MOV10L1: variants seen among roughly 807,000 people sequenced by gnomAD.
The protein encoded by MOV10L1 is RNA helicase Mov10l1.
MOV10L1 carries 110 observed loss-of-function variants against 143.8 expected under a neutral mutation model. The observed-to-expected ratio is 0.76, with a 90% CI of 0.66 to 0.90. The LOEUF (loss-of-function observed/expected upper bound fraction) is 0.90, where lower values mean the gene tolerates loss of function less well. Among genes scored for constraint, MOV10L1 ranks in the 40% least tolerant of loss-of-function variants. The pLI, the probability that MOV10L1 is intolerant of heterozygous loss-of-function variation, is 0.00. For synonymous variants in MOV10L1, 593 were observed against 581.1 expected (o/e 1.02, Z -0.29); for missense variants, 1,406 against 1,526.8 (o/e 0.92, Z 1.32).
chr22:50,101,316 T>C (rs980717666), intron 3 of MOV10L1, among the ~76,000 whole-genome samples: 1 of 152,118 alleles, frequency 6.6e-6, no homozygotes, highest in Non-Finnish European at 1.5e-5. Context: ...TCCAGGTTCA[T>C]GCCATTCTCC....
intron 5 of MOV10L1, 92 bp from the exon 6 acceptor site, chr22:50,113,555 GC>G: frequency 6.7e-7 from 1 of 1,500,574 alleles, no homozygotes; most frequent in Non-Finnish European, 8.9e-7. Context: ...TCCTCTGAGT[GC>G]CCCCACCAGC....
rs2063248427 is a variant in MOV10L1 at position 50,149,816 on chromosome 22, C to T, written c.2727+102C>T. 4 of 1,084,486 alleles carry T rather than the reference C, an allele frequency of 3.7e-6. No individual in the cohort carries two copies. The Admixed American group carries it at 9.3e-5, about 25-fold the overall frequency. 67.2% of individuals were successfully genotyped at this position (1,084,486 alleles called of 1,614,324 possible). A position where few individuals can be genotyped will look rare whatever the true frequency, so the allele number is the denominator to read the frequency against. ...GGAACAGTCACAGCTGTACAGGGGT[C>T]AGGTGGAAGTGCCAAGGACCCCGAG... is the stretch of plus-strand genomic sequence containing the variant. On this transcript the variant is annotated intron_variant, in intron 20 of 26. Transcript: ENST00000262794.
chr22:50,096,172 T>C (rs1323806207), intron 2 of MOV10L1: 1 of 152,244 alleles, frequency 6.6e-6, no homozygotes, highest in Non-Finnish European at 1.5e-5. Flanking sequence ...AGCATCCCAG[T>C]AGACACTCTG....
rs200293103 is a variant in MOV10L1, at chr22:50,116,659, A to G, written c.1260-498A>G. Among the ~76,000 whole-genome samples the G allele has an allele frequency of 1.9e-3, 226 of 121,416 alleles. 1 individual carries two copies. The highest frequency in any genetic ancestry group is 6.5e-3 in the East Asian group (26 of 4,000). The allele number at this position is 121,416 out of a possible 152,430, so 79.7% of individuals were successfully genotyped here. On this transcript the variant is annotated intron_variant, in intron 8 of 26. Transcript: ENST00000262794. ...ACAAAAAAGACTATTGTAGATGCTT[A>G]CTTTTTTTTTTTTTTTTTTTTTTTG...
rs191757886 is a variant in MOV10L1 at position 50,143,172 on chromosome 22, G to T, written c.2309G>T (p.Gly770Val). 6.2e-7 allele frequency: 1 copy of T among 1,614,146 alleles called. No individual in the cohort carries two copies. Among genetic ancestry groups the T allele is most frequent in the African/African-American group, 1.3e-5 (1 of 75,044 alleles). ...CGTCCCCTCCCGTATATTCTCTTTG[G>T]ACCTCCTGGTACTGGAAAGACAGTG... Reference protein sequence around the residue: ...DCRPLPYILFGPPGTGKTVTI... With the variant: ...DCRPLPYILFVPPGTGKTVTI... The change falls in exon 17 of 27, where the codon GGA becomes GTA. Residue 770 changes from glycine (G) to valine (V), a missense_variant. Coordinates refer to ENST00000262794, the MANE Select transcript of MOV10L1 (RefSeq NM_018995.3).
chr22:50,132,197 C>G (rs1021354505), intron 13 of MOV10L1, among the ~76,000 whole-genome samples: 5 of 152,158 alleles, frequency 3.3e-5, no homozygotes, highest in Non-Finnish European at 7.4e-5. Context: ...GAACACAAAC[C>G]TAGTGTATGA....
chr22:50,121,748 C>G (rs1006147567), intron 10 of MOV10L1, among the ~76,000 whole-genome samples: 15 of 152,112 alleles, frequency 9.9e-5, no homozygotes, highest in Non-Finnish European at 1.8e-4. Flanking sequence ...CCCTGGGGAC[C>G]CAGGTCTGCT....
chr22:50,109,608 T>C (rs2061965910), intron 5 of MOV10L1: 1 of 152,744 alleles, frequency 6.5e-6, no homozygotes, highest in Non-Finnish European at 1.4e-5. Flanking sequence ...GAGGTGGAGC[T>C]TGCAGTGAGC....
chr22:50,160,823 C>G lies in MOV10L1; in HGVS notation c.3460C>G (p.Arg1154Gly), dbSNP rs771392448. The change falls in exon 25 of 27, where the codon CGA becomes GGA. Residue 1154 changes from arginine to glycine, a missense_variant and splice_region_variant. By Grantham distance (125) the Arg-to-Gly change is moderately radical. This residue lies in a region of MOV10L1 where 1,233 missense variants were observed against 1,351.4 expected (regional missense o/e 0.91). Transcript: ENST00000262794. Reference sequence around the variant, plus strand: ...GCTGGGAAACCCCCATGTTCTCGTTCGAGTGAGTTTTCAGGCACTGGGTGG... The same window carrying G: ...GCTGGGAAACCCCCATGTTCTCGTTGGAGTGAGTTTTCAGGCACTGGGTGG... ...IVLGNPHVLV[R>G]DPCFGALLEY... 9.3e-6 allele frequency: 15 copies of G among 1,613,878 alleles called. No homozygotes were observed. The highest frequency in any genetic ancestry group is 1.2e-5 in the Non-Finnish European group (14 of 1,179,904).
intron 15 of MOV10L1, among the ~76,000 whole-genome samples, chr22:50,139,727 A>G (rs1487973444): frequency 1.3e-5 from 2 of 152,268 alleles, no homozygotes; most frequent in African/African-American, 4.8e-5. Flanking sequence ...ACTTTACCAG[A>G]GAATACATAC....
chr22:50,122,972 A>G (rs943697279), intron 10 of MOV10L1, among the ~76,000 whole-genome samples: 3 of 151,960 alleles, frequency 2.0e-5, no homozygotes, highest in African/African-American at 7.3e-5. Context: ...ACAGGCAAGT[A>G]TGGGTGTGAG....
chr22:50,107,302 TC>T (rs2061899202), intron 3 of MOV10L1, among the ~76,000 whole-genome samples: 1 of 151,810 alleles, frequency 6.6e-6, no homozygotes, highest in South Asian at 2.1e-4. Context: ...GACCTCGTGA[TC>T]CACCCGCCTC....
intron 10 of MOV10L1, 76 bp from the exon 11 acceptor site, chr22:50,125,314 CTT>C: frequency 6.9e-7 from 1 of 1,445,842 alleles, no homozygotes. Flanking sequence ...GCTGTTGGAA[CTT>C]TCCTGCTCCG....
At position 50,117,079 on chromosome 22, in the gene MOV10L1, T is replaced by G. The variant is rs1399517708; in HGVS notation, c.1260-78T>G. 5.2e-6 allele frequency: 7 copies of G among 1,356,454 alleles called. No homozygotes were observed. In the East Asian group the frequency reaches 1.6e-4, roughly 31 times the overall value. The allele number at this position is 1,356,454 out of a possible 1,614,324, so 84.0% of individuals were successfully genotyped here. A position where few individuals can be genotyped will look rare whatever the true frequency, so the allele number is the denominator to read the frequency against. On this transcript the variant is annotated intron_variant, in intron 8 of 26. Transcript: ENST00000262794. ...TGAGTCTTAACTCTGTCACTTTTCT[T>G]GTATGTACAAAGGAAAATTGTGTTG...
At chr22:50,113,525 C>A in intron 5 of MOV10L1, 123 bp from the exon 6 acceptor site, 1 of 1,317,728 alleles carries the variant, frequency 7.6e-7, no homozygotes, top group Non-Finnish European at 1.0e-6. Flanking sequence ...TCTGTGGAAG[C>A]CCTGCCTGTG....
chr22:50,147,635 G>A (rs1190894931), intron 19 of MOV10L1, among the ~76,000 whole-genome samples: 2 of 152,362 alleles, frequency 1.3e-5, no homozygotes, highest in Middle Eastern at 3.4e-3. Context: ...GCCCCACAGC[G>A]TTAGTTGGCC....
intron 21 of MOV10L1, among the ~76,000 whole-genome samples, chr22:50,151,685 C>T (rs1356288420): frequency 1.3e-5 from 2 of 152,242 alleles, no homozygotes; most frequent in Non-Finnish European, 2.9e-5. Flanking sequence ...CCCGGAGGTT[C>T]GCCTCATCCT....
intron 22 of MOV10L1, among the ~76,000 whole-genome samples, chr22:50,157,704 G>C (rs1378031025): frequency 7.0e-6 from 1 of 142,656 alleles, no homozygotes; most frequent in Non-Finnish European, 1.5e-5. Context: ...TCTCATTAAT[G>C]TTTTCTAAGG....
At chr22:50,142,274 C>A in intron 16 of MOV10L1, 85 bp downstream of exon 16, 2 of 1,062,844 alleles carry the variant, frequency 1.9e-6, no homozygotes, top group Non-Finnish European at 2.7e-6. Flanking sequence ...GGCTCTCATG[C>A]AGAAGGAAGA....
Sources: allele counts gnomAD v4.1 joint callset (sites outside exome capture counted in the v4.1 genomes callset), GRCh38; gene constraint gnomAD v4.1.1; regional missense constraint gnomAD v4.1.1; transcripts MANE v1.5; gene names NCBI Gene and HGNC (gene_info 2026-07-23, HGNC 2026-07-21).